Variants in DOCK3 observed in about 807,000 individuals in gnomAD.
The protein encoded by DOCK3 is dedicator of cytokinesis 3, also known as dedicator of cytokinesis protein 3.
A neutral mutation model predicts 265.6 loss-of-function variants in DOCK3; 60 were observed. That is an observed-to-expected ratio of 0.23 (90% CI 0.18 to 0.28). The LOEUF (loss-of-function observed/expected upper bound fraction) is 0.28. Ranked by LOEUF, DOCK3 falls within the 10% of genes least tolerant of loss-of-function variation. The pLI, the probability that DOCK3 is intolerant of heterozygous loss-of-function variation, is 1.00. For missense variants in DOCK3, 1,981 were observed against 2,594.3 expected (o/e 0.76, Z 5.14); for synonymous variants, 881 against 938.0 (o/e 0.94, Z 1.11).
At chr3:50,960,466 T>G in intron 5 of DOCK3, among the ~76,000 whole-genome samples, 1 of 152,182 alleles carries the variant, frequency 6.6e-6, no homozygotes, top group East Asian at 1.9e-4. Flanking sequence ...CAGCATCTTG[T>G]CAGTAGTTTA....
At chr3:51,044,657 T>C (rs2080686843) in intron 5 of DOCK3, among the ~76,000 whole-genome samples, 1 of 152,154 alleles carries the variant, frequency 6.6e-6, no homozygotes, top group Non-Finnish European at 1.5e-5. Flanking sequence ...AGTAGAAGGC[T>C]GTTTTGAAAA....
rs1399056611 is a variant in DOCK3 at position 50,886,208 on chromosome 3, A to ATATATATATATATATG, written c.163-3817_163-3816insATATATATATATATGT. ...TGGAGATATATATATATATATATAT[A>ATATATATATATATATG]TTCCAGAGTTTTTAGGTATGCACTA... On this transcript the variant is annotated intron_variant, in intron 3 of 52. Transcript: ENST00000266037. 4.6e-3 allele frequency among the ~76,000 whole-genome samples: 631 copies of ATATATATATATATATG among 136,804 alleles called. 24 individuals are homozygous for ATATATATATATATATG. The highest frequency in any genetic ancestry group is 7.6e-3 in the Non-Finnish European group (459 of 60,432). The allele number at this position is 136,804 out of a possible 152,430, so 89.7% of individuals were successfully genotyped here. A position where few individuals can be genotyped will look rare whatever the true frequency, so the allele number is the denominator to read the frequency against.
chr3:50,729,364 A>ATTTG (rs2038046696), intron 1 of DOCK3, among the ~76,000 whole-genome samples: 1 of 145,558 alleles, frequency 6.9e-6, no homozygotes, highest in African/African-American at 2.5e-5. Context: ...TATTTTATTT[A>ATTTG]TTTATTTATT....
chr3:51,330,279 A>G lies in DOCK3; in HGVS notation c.3488+56A>G, dbSNP rs1336898781. On this transcript the variant is annotated intron_variant, in intron 33 of 52. Transcript: ENST00000266037. ...CTGGGGGATGGGATGAAGTGGGCCA[A>G]TGAAAAGTAGAGGTTGCAACTGCAC... 1.3e-4 allele frequency: 194 copies of G among 1,524,420 alleles called. 1 individual carries two copies. The highest frequency in any genetic ancestry group is 4.3e-5 in the Non-Finnish European group (48 of 1,123,714). The allele number at this position is 1,524,420 out of a possible 1,614,324, so 94.4% of individuals were successfully genotyped here.
chr3:50,925,822 G>GTTTTTTTTTTTT (rs1434953359), intron 4 of DOCK3, among the ~76,000 whole-genome samples: 3 of 123,288 alleles, frequency 2.4e-5, no homozygotes, highest in African/African-American at 1.1e-4. Flanking sequence ...GGTAAAACTA[G>GTTTTTTTTTTTT]TCTTTTTTTT....
At chr3:51,087,849 C>CA (rs1371275594) in intron 7 of DOCK3, among the ~76,000 whole-genome samples, 1 of 151,764 alleles carries the variant, frequency 6.6e-6, no homozygotes, top group African/African-American at 2.4e-5. Context: ...TGAGACTTCC[C>CA]AAAAAACAAA....
At chr3:51,095,340 T>C (rs929470377) in intron 9 of DOCK3, among the ~76,000 whole-genome samples, 1 of 152,204 alleles carries the variant, frequency 6.6e-6, no homozygotes, top group Admixed American at 6.5e-5. Flanking sequence ...CAGGAGCCCT[T>C]GTAAGGCAGG....
At chr3:51,064,736 C>T in intron 6 of DOCK3, 140 bp downstream of exon 6, 1 of 1,164,782 alleles carries the variant, frequency 8.6e-7, no homozygotes, top group East Asian at 2.5e-5. Context: ...ATCATTTTTG[C>T]TAGGAGCAGT....
intron 3 of DOCK3, among the ~76,000 whole-genome samples, chr3:50,863,095 C>A (rs1022496217): frequency 1.3e-5 from 2 of 152,140 alleles, no homozygotes; most frequent in Admixed American, 6.6e-5. Context: ...GGCTGCACTT[C>A]CCCCTCCCTT....
chr3:51,306,845 C>T (rs932500946), intron 27 of DOCK3, among the ~76,000 whole-genome samples: 28 of 152,144 alleles, frequency 1.8e-4, no homozygotes, highest in Non-Finnish European at 3.8e-4. Flanking sequence ...TGATTTCCTT[C>T]ATTTCTTTGT....
At chr3:51,167,635 T>C (rs2086473732) in intron 12 of DOCK3, among the ~76,000 whole-genome samples, 1 of 152,198 alleles carries the variant, frequency 6.6e-6, no homozygotes, top group Non-Finnish European at 1.5e-5. Context: ...TCATCAGTGT[T>C]TTATAATTTT....
intron 9 of DOCK3, among the ~76,000 whole-genome samples, chr3:51,124,012 A>G (rs562450547): frequency 1.3e-5 from 2 of 152,126 alleles, no homozygotes; most frequent in East Asian, 1.9e-4. Context: ...AACTTCATCT[A>G]TGCTTTGACT....
At chr3:50,833,302 A>G (rs894504119) in intron 2 of DOCK3, among the ~76,000 whole-genome samples, 1 of 152,084 alleles carries the variant, frequency 6.6e-6, no homozygotes, top group Non-Finnish European at 1.5e-5. Flanking sequence ...CTTGAAACAT[A>G]TTTTTTTCTC....
At chr3:50,973,501 G>A (rs2077324050) in intron 5 of DOCK3, among the ~76,000 whole-genome samples, 1 of 141,204 alleles carries the variant, frequency 7.1e-6, no homozygotes, top group South Asian at 2.4e-4. Context: ...GTATTCCATG[G>A]TGTATATGTG....
intron 49 of DOCK3, among the ~76,000 whole-genome samples, chr3:51,373,937 A>G (rs187276260): frequency 6.6e-6 from 1 of 152,296 alleles, no homozygotes; most frequent in Non-Finnish European, 1.5e-5. Context: ...AGCCTCTGAG[A>G]AAAGTCGGTA....
chr3:50,912,809 A>G (rs1036602062), intron 4 of DOCK3, among the ~76,000 whole-genome samples: 1 of 151,982 alleles, frequency 6.6e-6, no homozygotes, highest in Non-Finnish European at 1.5e-5. Flanking sequence ...GTCAGCGTGC[A>G]GTGAATCTTG....
intron 2 of DOCK3, among the ~76,000 whole-genome samples, chr3:50,815,065 TGCCTTCCTTG>T (rs2043998917): frequency 6.6e-6 from 1 of 152,134 alleles, no homozygotes; most frequent in Admixed American, 6.5e-5. Flanking sequence ...CCTTGTGATC[TGCCTTCCTTG>T]GCCTCCCAAA....
intron 3 of DOCK3, among the ~76,000 whole-genome samples, chr3:50,878,402 T>A (rs2047829758): frequency 6.6e-6 from 1 of 152,196 alleles, no homozygotes; most frequent in Non-Finnish European, 1.5e-5. Flanking sequence ...GATGGGTGGC[T>A]AACTAGAATA....
At chr3:51,060,244 C>T (rs2081365197) in intron 5 of DOCK3, among the ~76,000 whole-genome samples, 1 of 151,948 alleles carries the variant, frequency 6.6e-6, no homozygotes, top group Non-Finnish European at 1.5e-5. Flanking sequence ...TGCCAAATCC[C>T]CTGGCCAATT....
Sources: gnomAD v4.1 joint callset for allele counts (sites outside exome capture counted in the v4.1 genomes callset) on GRCh38, gnomAD v4.1.1 for gene constraint, MANE v1.5 for transcripts, NCBI Gene and HGNC (gene_info 2026-07-23, HGNC 2026-07-21) for gene names.